EXOC4: variants seen among roughly 807,000 people sequenced by gnomAD.
EXOC4 encodes SEC8-like 1.
Under a neutral mutation model 107.2 loss-of-function variants are expected in EXOC4, and 71 were observed. The observed-to-expected ratio is 0.66, with a 90% CI of 0.55 to 0.81. The LOEUF is 0.81. Ranked by LOEUF, EXOC4 falls within the 30% of genes least tolerant of loss-of-function variation. The pLI is 0.00. For synonymous variants in EXOC4, 456 were observed against 441.2 expected (o/e 1.03, Z -0.42); for missense variants, 1,108 against 1,189.6 (o/e 0.93, Z 1.01).
chr7:133,571,652 A>T (rs4731966), intron 9 of EXOC4, among the ~76,000 whole-genome samples: 1 of 150,520 alleles, frequency 6.6e-6, no homozygotes, highest in Non-Finnish European at 1.5e-5. Flanking sequence ...GCCAGCCTGG[A>T]TGACAGAGTG....
intron 9 of EXOC4, among the ~76,000 whole-genome samples, chr7:133,591,569 C>CGT (rs918271151): frequency 0.033 from 482 of 14,630 alleles, 1 homozygote; most frequent in South Asian, 0.094. Flanking sequence ...TGTGTGTGTG[C>CGT]GTGTGTGTGT....
At chr7:133,738,333 G>C (rs1374738589) in intron 10 of EXOC4, among the ~76,000 whole-genome samples, 1 of 152,114 alleles carries the variant, frequency 6.6e-6, no homozygotes, top group African/African-American at 2.4e-5. Context: ...AATGTCAACA[G>C]TCACATGAAG....
At chr7:133,258,447 G>A (rs1007899834) in intron 1 of EXOC4, among the ~76,000 whole-genome samples, 8 of 152,158 alleles carry the variant, frequency 5.3e-5, no homozygotes, top group African/African-American at 1.9e-4. Context: ...TATTACCTGT[G>A]TAACCTTGGA....
chr7:133,889,476 G>C (rs1055824595), intron 11 of EXOC4, among the ~76,000 whole-genome samples: 1 of 147,096 alleles, frequency 6.8e-6, no homozygotes, highest in Admixed American at 6.8e-5. Context: ...CATTGTGCAG[G>C]TTAGTTACAT....
intron 10 of EXOC4, among the ~76,000 whole-genome samples, chr7:133,663,459 T>C (rs1277283009): frequency 6.6e-6 from 1 of 152,174 alleles, no homozygotes; most frequent in African/African-American, 2.4e-5. Context: ...CTTAAATGCC[T>C]TTTGCTTAAC....
intron 7 of EXOC4, among the ~76,000 whole-genome samples, chr7:133,380,474 A>G (rs999693405): frequency 2.4e-4 from 37 of 152,054 alleles, no homozygotes; most frequent in Non-Finnish European, 4.4e-4. Flanking sequence ...ATTTTCATCT[A>G]TGCCAAAAGA....
chr7:133,840,578 C>T (rs995676197), intron 11 of EXOC4, among the ~76,000 whole-genome samples: 10 of 151,978 alleles, frequency 6.6e-5, no homozygotes, highest in Non-Finnish European at 1.5e-4. Context: ...AATCTCAGCT[C>T]ACTGCACGAT....
At chr7:133,576,878 G>C (rs1257895872) in intron 9 of EXOC4, 1 of 1,289,070 alleles carries the variant, frequency 7.8e-7, no homozygotes, top group South Asian at 1.2e-5. Context: ...ATCGGGTAAT[G>C]TGTTTTAAGA....
chr7:134,079,771 T>C, the EXOC4 span, among the ~76,000 whole-genome samples: 22 of 152,256 alleles, frequency 1.4e-4, no homozygotes, highest in Admixed American at 4.6e-4. Context: ...GGCATGAGTT[T>C]GCACTGAGCC....
intron 7 of EXOC4, among the ~76,000 whole-genome samples, chr7:133,407,056 G>A (rs1411403516): frequency 6.6e-6 from 1 of 152,128 alleles, no homozygotes; most frequent in Admixed American, 6.5e-5. Context: ...TTGAGTTTCT[G>A]TGTTTGTCCT....
At chr7:133,283,142 G>A (rs997052864) in intron 2 of EXOC4, among the ~76,000 whole-genome samples, 13 of 152,218 alleles carry the variant, frequency 8.5e-5, no homozygotes, top group Admixed American at 2.6e-4. Flanking sequence ...GTCGCACTCT[G>A]TTGTCCAGGC....
At chr7:133,859,843 G>A (rs1226863370) in intron 11 of EXOC4, among the ~76,000 whole-genome samples, 1 of 152,156 alleles carries the variant, frequency 6.6e-6, no homozygotes, top group East Asian at 1.9e-4. Flanking sequence ...GTTGAAAATT[G>A]CTCTGAGCAC....
At chr7:133,360,431 G>C (rs373547369) in intron 6 of EXOC4, among the ~76,000 whole-genome samples, 2 of 152,228 alleles carry the variant, frequency 1.3e-5, no homozygotes, top group African/African-American at 4.8e-5. Context: ...GTGGAGGTCA[G>C]CTTCACTTAG....
chr7:133,492,688 T>G (rs1213984592), intron 9 of EXOC4, among the ~76,000 whole-genome samples: 4 of 152,144 alleles, frequency 2.6e-5, no homozygotes, highest in African/African-American at 4.8e-5. Context: ...TTAGTTTTAG[T>G]GCCCACTTTA....
intron 10 of EXOC4, among the ~76,000 whole-genome samples, chr7:133,681,925 A>G (rs1215200983): frequency 6.6e-6 from 1 of 152,042 alleles, no homozygotes; most frequent in Non-Finnish European, 1.5e-5. Flanking sequence ...ATTATTAGAG[A>G]CAGTATCACA....
chr7:133,278,802 T>C (rs1431583297), intron 2 of EXOC4, among the ~76,000 whole-genome samples: 2 of 152,264 alleles, frequency 1.3e-5, no homozygotes, highest in African/African-American at 4.8e-5. Flanking sequence ...AGGAATAACA[T>C]GATGTGGCTA....
chr7:133,760,919 A>G (rs1796019802), intron 10 of EXOC4, among the ~76,000 whole-genome samples: 1 of 152,208 alleles, frequency 6.6e-6, no homozygotes, highest in South Asian at 2.1e-4. Flanking sequence ...ACAGATACAT[A>G]TCACCTTTTG....
chr7:133,514,967 G>A (rs1366273179), intron 9 of EXOC4, among the ~76,000 whole-genome samples: 1 of 152,072 alleles, frequency 6.6e-6, no homozygotes, highest in Non-Finnish European at 1.5e-5. Flanking sequence ...CACCACTTCA[G>A]TCTTTATCAT....
intron 9 of EXOC4, among the ~76,000 whole-genome samples, chr7:133,505,639 C>T (rs117768865): frequency 3.3e-5 from 5 of 152,154 alleles, no homozygotes; most frequent in African/African-American, 4.8e-5. Context: ...TTAGATATCT[C>T]GTGCCCATTC....
Sources: gnomAD v4.1 joint callset for allele counts (sites outside exome capture counted in the v4.1 genomes callset) on GRCh38, gnomAD v4.1.1 for gene constraint, MANE v1.5 for transcripts, NCBI Gene and HGNC (gene_info 2026-07-23, HGNC 2026-07-21) for gene names.